CEP192: variants seen among roughly 807,000 people sequenced by gnomAD.
CEP192 encodes the protein centrosomal protein 192, also known as centrosomal protein of 192 kDa.
In CEP192, 151 loss-of-function variants were observed where a neutral mutation model predicts 271.8. The ratio of observed to expected loss-of-function variants is 0.56; its 90% CI spans 0.49 to 0.64. CEP192 has a LOEUF of 0.64. CEP192 is among the 30% of genes least tolerant of loss of function. The pLI, the probability that CEP192 is intolerant of heterozygous loss-of-function variation, is 0.00. For missense variants in CEP192, 2,910 were observed against 3,020.5 expected (o/e 0.96, Z 0.86); for synonymous variants, 995 against 1,076.5 (o/e 0.92, Z 1.48).
chr18:13,107,742 C>G (rs1003739736), intron 40 of CEP192, among the ~76,000 whole-genome samples: 3 of 152,078 alleles, frequency 2.0e-5, no homozygotes, highest in African/African-American at 7.2e-5. Flanking sequence ...TTTTATTTTT[C>G]CTATGGAGAT....
rs369144929 is a variant in CEP192 at position 13,016,998 on chromosome 18, A to G, written c.641-190A>G. On this transcript the variant is annotated intron_variant, in intron 6 of 44. Transcript: ENST00000506447. Reference sequence around the variant, plus strand: ...GTCTTCTCAAAGAGGTTAAATATTTATCTTGTATTAAAATGTTCATAATGG... The same window carrying G: ...GTCTTCTCAAAGAGGTTAAATATTTGTCTTGTATTAAAATGTTCATAATGG... 3.7e-4 allele frequency among the ~76,000 whole-genome samples: 57 copies of G among 152,328 alleles called. 2 individuals carry two copies. The South Asian group carries it at 0.011, about 30-fold the overall frequency.
chr18:13,001,729 T>C, intron 3 of CEP192, 147 bp downstream of exon 3: 1 of 852,296 alleles, frequency 1.2e-6, no homozygotes, highest in Non-Finnish European at 1.7e-6. Flanking sequence ...AGGCGGAGTT[T>C]CACTCACTCC....
At chr18:13,076,344 C>T (rs513897) in intron 30 of CEP192, among the ~76,000 whole-genome samples, 69,098 of 151,898 alleles carry the variant, frequency 0.45, 15,808 homozygotes, top group Middle Eastern at 0.51. Context: ...CTTGCCTCAG[C>T]CTCCCGAGTA....
At position 13,068,169 on chromosome 18, in the gene CEP192, G is replaced by T; in HGVS notation, c.4690G>T (p.Asp1564Tyr). The T allele has an allele frequency of 6.2e-7, 1 of 1,614,258 alleles. No individual in the cohort carries two copies. The highest frequency in any genetic ancestry group is 8.5e-7 in the Non-Finnish European group (1 of 1,180,044). Residue 1564 changes from aspartate (D) to tyrosine (Y), a missense_variant, in exon 23 of 45, where the codon GAT becomes TAT. Coordinates refer to ENST00000506447, the MANE Select transcript of CEP192 (RefSeq NM_032142.4). ...TCCTGTGGAAGTTGCTCCTTGCGCT[G>T]ATGTGGTCACTCGGCTAGCAGGCCC... is the stretch of plus-strand genomic sequence containing the variant. ...RAPVEVAPCA[D>Y]VVTRLAGPSV...
intron 36 of CEP192, 34 bp from the exon 37 acceptor site, chr18:13,099,442 C>A: frequency 1.9e-6 from 2 of 1,065,448 alleles, no homozygotes; most frequent in East Asian, 2.4e-5. Context: ...AAAATGCAGG[C>A]TCTTTTTAAT....
chr18:13,037,288 A>T lies in CEP192; in HGVS notation c.1586A>T (p.His529Leu). 7.4e-7 allele frequency: 1 copy of T among 1,349,376 alleles called. No individual in the cohort carries two copies. Among genetic ancestry groups the T allele is most frequent in the South Asian group, 1.3e-5 (1 of 78,446 alleles). 83.6% of individuals were successfully genotyped at this position (1,349,376 alleles called of 1,614,324 possible). Residue 529 changes from histidine (H) to leucine (L), a missense_variant, in exon 12 of 45, where the codon CAT (histidine) becomes CTT (leucine). Transcript: ENST00000506447. Reference protein sequence around the residue: ...AQDEEEFNKEHQFIQEENIDA... With the variant: ...AQDEEEFNKELQFIQEENIDA... Reference sequence around the variant, plus strand: ...GATGAAGAAGAATTTAATAAAGAGCATCAATTTATACAGGTTTGTAATTAT... The same window carrying T: ...GATGAAGAAGAATTTAATAAAGAGCTTCAATTTATACAGGTTTGTAATTAT...
At chr18:13,099,446 T>G (rs762271332) in intron 36 of CEP192, 30 bp from the exon 37 acceptor site, 5 of 1,170,570 alleles carry the variant, frequency 4.3e-6, no homozygotes, top group South Asian at 1.3e-5. Context: ...TGCAGGCTCT[T>G]TTTAATTTTC....
At chr18:13,058,975 TA>T (rs1368462910) in intron 20 of CEP192, 106 bp from the exon 21 acceptor site, 17 of 730,246 alleles carry the variant, frequency 2.3e-5, no homozygotes, top group Non-Finnish European at 4.0e-5. Flanking sequence ...ATAAATGTTT[TA>T]ATTTGGCAGT....
chr18:13,079,944 G>A (rs2038500770), intron 30 of CEP192, among the ~76,000 whole-genome samples: 1 of 152,178 alleles, frequency 6.6e-6, no homozygotes, highest in South Asian at 2.1e-4. Flanking sequence ...TCAGATGGTT[G>A]TAGATGTGTG....
At chr18:13,019,326 A>C in intron 9 of CEP192, 120 bp downstream of exon 9, 2 of 795,534 alleles carry the variant, frequency 2.5e-6, no homozygotes, top group Non-Finnish European at 3.6e-6. Context: ...AAATACAGAA[A>C]AAGTACTCAC....
chr18:13,088,615 T>C (rs1234174299), intron 32 of CEP192: 2 of 180,018 alleles, frequency 1.1e-5, no homozygotes, highest in South Asian at 1.2e-4. Context: ...GTGCAGCTCA[T>C]GGTGTGTCAT....
intron 42 of CEP192, 79 bp from the exon 43 acceptor site, chr18:13,116,298 A>C: frequency 7.7e-7 from 1 of 1,304,558 alleles, no homozygotes; most frequent in Non-Finnish European, 1.1e-6. Flanking sequence ...ATGCAATACT[A>C]CATAATTTTA....
In CEP192 at chr18:13,100,359, C is replaced by T; in HGVS notation, c.6718C>T (p.Arg2240Cys). ...EDLTQVELLT[R>C]LTSKPFGILS... ...TTTAACTCAAGTGGAACTTTTAACT[C>T]GTTTGACCTCCAAACCATTTGGAAT... Residue 2240 changes from arginine to cysteine, a missense_variant, in exon 38 of 45, where the codon CGT (arginine) becomes TGT (cysteine). Coordinates refer to ENST00000506447, the MANE Select transcript of CEP192 (RefSeq NM_032142.4). 7 of 1,614,064 alleles carry T rather than the reference C, an allele frequency of 4.3e-6. No homozygotes were observed. In the East Asian group the frequency reaches 6.7e-5, roughly 15 times the overall value.
intron 33 of CEP192, among the ~76,000 whole-genome samples, chr18:13,091,121 C>T (rs2039127308): frequency 6.6e-6 from 1 of 152,090 alleles, no homozygotes; most frequent in South Asian, 2.1e-4. Flanking sequence ...TGGGAGGGCA[C>T]CTCACTTAGA....
intron 44 of CEP192, among the ~76,000 whole-genome samples, chr18:13,122,302 A>T (rs893312147): frequency 2.6e-5 from 4 of 152,216 alleles, no homozygotes; most frequent in African/African-American, 9.6e-5. Flanking sequence ...CATGTCTGTA[A>T]TCCTAGCTAC....
In CEP192 at chr18:13,038,497, A is replaced by G. The variant is rs182176983; in HGVS notation, c.1727A>G (p.Tyr576Cys). The change falls in exon 13 of 45, where the codon TAT becomes TGT. Residue 576 changes from tyrosine to cysteine, a missense_variant. Physicochemically the swap from Tyr to Cys is radical, Grantham distance 194. Transcript: ENST00000506447. The part of the protein sequence containing the change: ...TSDLDKDDAS[Y>C]LRLSLGEFFA... ...GATTTGGATAAAGATGATGCCAGTTATTTACGTCTGTCTTTAGGAGAGTTC... is the reference window on the plus strand; with the variant it reads ...GATTTGGATAAAGATGATGCCAGTTGTTTACGTCTGTCTTTAGGAGAGTTC... 1.9e-5 allele frequency: 30 copies of G among 1,551,620 alleles called. No homozygotes were observed. In the Admixed American group the frequency reaches 5.7e-4, roughly 29 times the overall value.
intron 15 of CEP192, among the ~76,000 whole-genome samples, chr18:13,048,317 C>G (rs1003002106): frequency 2.6e-5 from 4 of 152,138 alleles, no homozygotes; most frequent in South Asian, 2.1e-4. Flanking sequence ...TCACTTGTTG[C>G]CCGTTAGTCA....
intron 27 of CEP192, among the ~76,000 whole-genome samples, chr18:13,070,093 G>A (rs1568370693): frequency 6.6e-6 from 1 of 152,010 alleles, no homozygotes; most frequent in African/African-American, 2.4e-5. Context: ...CCCAGGAGGC[G>A]GAGGTTGCAG....
At position 13,047,524 on chromosome 18, in the gene CEP192, GTTA is replaced by G. The variant is rs1377272873; in HGVS notation, c.2068-1334_2068-1332del. 2.0e-5 allele frequency among the ~76,000 whole-genome samples: 3 copies of G among 152,292 alleles called. No homozygotes were observed. In the East Asian group the frequency reaches 5.8e-4, roughly 29 times the overall value. Reference sequence around the variant, plus strand: ...CCCAGTGTTGGGCTTACCTCTCTGGGTTACTTTCTTCTCTTAGATTTTGGCCCC... The same window carrying G: ...CCCAGTGTTGGGCTTACCTCTCTGGGCTTTCTTCTCTTAGATTTTGGCCCC... On this transcript the variant is annotated intron_variant, in intron 15 of 44. Transcript: ENST00000506447.
Sources: allele counts gnomAD v4.1 joint callset (sites outside exome capture counted in the v4.1 genomes callset), GRCh38; gene constraint gnomAD v4.1.1; transcripts MANE v1.5; gene names NCBI Gene and HGNC (gene_info 2026-07-23, HGNC 2026-07-21).